The following SCHIP1 variants were observed in gnomAD, a reference collection of about 807,000 sequenced individuals.
The protein encoded by SCHIP1 is schwannomin-interacting protein 1.
In SCHIP1, 8 loss-of-function variants were observed where a neutral mutation model predicts 29.7. The ratio of observed to expected loss-of-function variants is 0.27; its 90% CI spans 0.16 to 0.49. The LOEUF is 0.49. Ranked by LOEUF, SCHIP1 falls within the 20% of genes least tolerant of loss-of-function variation. The probability of loss-of-function intolerance (pLI) is 0.99; values close to 1 mark genes in which losing one functional copy is unlikely to be tolerated. For synonymous variants in SCHIP1, 76 were observed against 94.9 expected, an observed-to-expected ratio of 0.80 and a Z score of 1.16; for missense variants, 193 against 294.6, an observed-to-expected ratio of 0.66 and a Z score of 2.52.
chr3:159,890,241 C>T (rs1403773394), intron 5 of SCHIP1, among the ~76,000 whole-genome samples: 1 of 152,144 alleles, frequency 6.6e-6, no homozygotes, highest in Admixed American at 6.5e-5. Flanking sequence ...TCAAGCTTGG[C>T]CATGAGTTGA....
the SCHIP1 span, among the ~76,000 whole-genome samples, chr3:159,437,403 A>G: frequency 1.3e-5 from 2 of 151,900 alleles, no homozygotes; most frequent in Non-Finnish European, 2.9e-5. Context: ...ACAACCAAGG[A>G]TTTTTGAGTT....
At chr3:159,354,779 A>G in the SCHIP1 span, among the ~76,000 whole-genome samples, 2 of 152,108 alleles carry the variant, frequency 1.3e-5, no homozygotes, top group African/African-American at 4.8e-5. Flanking sequence ...ATAGCTACTT[A>G]TAAGAAAGAA....
the SCHIP1 span, among the ~76,000 whole-genome samples, chr3:159,731,098 A>G: frequency 2.6e-5 from 4 of 152,236 alleles, no homozygotes; most frequent in East Asian, 7.7e-4. Context: ...TGTGATTCAG[A>G]CACTGGATAT....
At chr3:159,694,291 G>A in the SCHIP1 span, among the ~76,000 whole-genome samples, 12 of 151,830 alleles carry the variant, frequency 7.9e-5, no homozygotes, top group Admixed American at 5.2e-4. Flanking sequence ...AGGCCAAGGC[G>A]GGCACATCAC....
chr3:159,406,842 A>G, the SCHIP1 span, among the ~76,000 whole-genome samples: 2 of 152,184 alleles, frequency 1.3e-5, no homozygotes, highest in Non-Finnish European at 2.9e-5. Flanking sequence ...ATATTGGGTT[A>G]TATTATTTGC....
At chr3:159,331,535 TC>T in the SCHIP1 span, among the ~76,000 whole-genome samples, 1 of 152,010 alleles carries the variant, frequency 6.6e-6, no homozygotes, top group African/African-American at 2.4e-5. Flanking sequence ...CAGCCCTAGC[TC>T]CCCAAACTTG....
chr3:159,741,633 A>T, the SCHIP1 span, among the ~76,000 whole-genome samples: 1 of 152,360 alleles, frequency 6.6e-6, no homozygotes, highest in South Asian at 2.1e-4. Context: ...GTAACCATCA[A>T]GGCCTCATTA....
chr3:159,408,159 A>C, the SCHIP1 span, among the ~76,000 whole-genome samples: 1 of 152,002 alleles, frequency 6.6e-6, no homozygotes, highest in African/African-American at 2.4e-5. Flanking sequence ...TTAGCCGGGC[A>C]TGGTGGCAGG....
the SCHIP1 span, among the ~76,000 whole-genome samples, chr3:159,809,142 A>T: frequency 1.6e-4 from 15 of 93,946 alleles, no homozygotes; most frequent in African/African-American, 5.8e-4. Flanking sequence ...CCCAGCCCCC[A>T]ACCCCCCGCA....
chr3:159,697,734 G>A, the SCHIP1 span, among the ~76,000 whole-genome samples: 3 of 151,942 alleles, frequency 2.0e-5, no homozygotes, highest in South Asian at 6.2e-4. Flanking sequence ...TTTTAGAAAA[G>A]TGATATTGAA....
chr3:159,381,144 C>A, the SCHIP1 span, among the ~76,000 whole-genome samples: 1 of 152,024 alleles, frequency 6.6e-6, no homozygotes, highest in Non-Finnish European at 1.5e-5. Flanking sequence ...TAGAGTTACA[C>A]AAGGAGTGGA....
chr3:159,857,206 A>C (rs1346828805), intron 1 of SCHIP1, among the ~76,000 whole-genome samples: 1 of 152,210 alleles, frequency 6.6e-6, no homozygotes, highest in Non-Finnish European at 1.5e-5. Context: ...GTTAGCCAGC[A>C]TGGTCAGGGA....
At chr3:159,661,317 T>A in the SCHIP1 span, among the ~76,000 whole-genome samples, 1 of 151,740 alleles carries the variant, frequency 6.6e-6, no homozygotes, top group African/African-American at 2.4e-5. Flanking sequence ...TCCATGTATC[T>A]CTCCATATAC....
chr3:159,614,257 C>G, the SCHIP1 span, among the ~76,000 whole-genome samples: 2 of 152,156 alleles, frequency 1.3e-5, no homozygotes, highest in Non-Finnish European at 2.9e-5. Flanking sequence ...CAATTGAGAG[C>G]TTTAGACATA....
the SCHIP1 span, among the ~76,000 whole-genome samples, chr3:159,309,514 T>C: frequency 9.2e-5 from 14 of 152,266 alleles, no homozygotes; most frequent in African/African-American, 3.1e-4. Flanking sequence ...TCATGCTATA[T>C]GGGTATGCAG....
At chr3:159,370,493 T>C in the SCHIP1 span, among the ~76,000 whole-genome samples, 2 of 152,234 alleles carry the variant, frequency 1.3e-5, no homozygotes, top group Non-Finnish European at 1.5e-5. Context: ...TTAATTTTAA[T>C]GTGTCAACTT....
the SCHIP1 span, among the ~76,000 whole-genome samples, chr3:159,400,188 T>C: frequency 6.6e-6 from 1 of 152,144 alleles, no homozygotes; most frequent in South Asian, 2.1e-4. Flanking sequence ...AAAAACAATA[T>C]AGAATAACAT....
chr3:159,278,293 C>T, the SCHIP1 span, among the ~76,000 whole-genome samples: 1 of 152,060 alleles, frequency 6.6e-6, no homozygotes, highest in African/African-American at 2.4e-5. Context: ...AAATAAAACC[C>T]CAGGTAGGTT....
the SCHIP1 span, among the ~76,000 whole-genome samples, chr3:159,777,102 T>C: frequency 6.6e-6 from 1 of 152,208 alleles, no homozygotes; most frequent in Non-Finnish European, 1.5e-5. Context: ...ATCTTGACTA[T>C]TACATATTGG....
Sources: gnomAD v4.1 joint callset for allele counts (sites outside exome capture counted in the v4.1 genomes callset) on GRCh38, gnomAD v4.1.1 for gene constraint, MANE v1.5 for transcripts, NCBI Gene and HGNC (gene_info 2026-07-23, HGNC 2026-07-21) for gene names.